BLACAT1: variants seen among roughly 807,000 people sequenced by gnomAD.
BLACAT1 encodes the protein bladder cancer associated transcript 1.
downstream of BLACAT1, chr1:205,435,419 A>G (rs6593941): frequency 0.69 from 104,742 of 152,054 alleles, 37,458 homozygotes; most frequent in East Asian, 0.92. Flanking sequence ...AAATGTGGCC[A>G]TCTTGAGTAG....
At chr1:205,451,654 G>A (rs148070459) in intron 1 of BLACAT1, among the ~76,000 whole-genome samples, 1 of 152,256 alleles carries the variant, frequency 6.6e-6, no homozygotes, top group African/African-American at 2.4e-5. Flanking sequence ...TGGAGACACT[G>A]AGAGAAATTG....
chr1:205,448,082 A>G lies in BLACAT1; in HGVS notation c.-36-7020T>C, dbSNP rs1666433271. Among the ~76,000 whole-genome samples, 1 of 152,180 alleles carries G rather than the reference A, an allele frequency of 6.6e-6. No individual in the cohort carries two copies. Among genetic ancestry groups the G allele is most frequent in the African/African-American group, 2.4e-5 (1 of 41,458 alleles). On this transcript the variant is annotated intron_variant, in intron 1 of 1. Transcript: ENST00000629624. This position sits in a 1 kb window ranked among gnomAD's most constrained non-coding sequence, Gnocchi z 4.7. ...ACCCTGAAGGTCTCCTTCCTTCCTC[A>G]GAGGGAATCTCCCTCTGGAATCACC...
chr1:205,455,378 G>C (rs6675524), intron 1 of BLACAT1, among the ~76,000 whole-genome samples: 2 of 151,916 alleles, frequency 1.3e-5, no homozygotes, highest in Non-Finnish European at 2.9e-5. Context: ...TTGGTGGTTT[G>C]GCCCACGGAC....
rs1022820594 is a variant in BLACAT1 at position 205,450,491 on chromosome 1, C to T, written c.-37+5426G>A. On this transcript the variant is annotated intron_variant, in intron 1 of 1. Coordinates refer to ENST00000629624, the Ensembl canonical transcript of BLACAT1. This position sits in a 1 kb window ranked among gnomAD's most constrained non-coding sequence, Gnocchi z 4.4. ...CGCAGCCCTGGTTCCTCTCCTCACCCATACCCCTATTCTGCTCCCACCACT... is the reference window on the plus strand; with the variant it reads ...CGCAGCCCTGGTTCCTCTCCTCACCTATACCCCTATTCTGCTCCCACCACT... Among the ~76,000 whole-genome samples, 5 of 151,656 alleles carry T rather than the reference C, an allele frequency of 3.3e-5. No homozygotes were observed. Among genetic ancestry groups the T allele is most frequent in the Non-Finnish European group, 7.4e-5 (5 of 67,860 alleles).
Position 205,448,186 on chromosome 1 carries a change from C to T in BLACAT1, c.-36-7124G>A, listed in dbSNP as rs984621868. 4.6e-6 allele frequency: 2 copies of T among 436,042 alleles called. No homozygotes were observed. Among genetic ancestry groups the T allele is most frequent in the Non-Finnish European group, 9.4e-6 (2 of 213,354 alleles). 27.0% of individuals were successfully genotyped at this position (436,042 alleles called of 1,614,324 possible). A position where few individuals can be genotyped will look rare whatever the true frequency, so the allele number is the denominator to read the frequency against. On this transcript the variant is annotated intron_variant, in intron 1 of 1. Coordinates refer to ENST00000629624, the Ensembl canonical transcript of BLACAT1. This position sits in a 1 kb window ranked among gnomAD's most constrained non-coding sequence, Gnocchi z 4.7. ...GGGCCAAGGTCACACGGCTTAGCCCCGATCCCAGGTTACCAGATCCCGTGA... is the reference window on the plus strand; with the variant it reads ...GGGCCAAGGTCACACGGCTTAGCCCTGATCCCAGGTTACCAGATCCCGTGA...
chr1:205,453,920 A>C (rs144677815), intron 1 of BLACAT1, among the ~76,000 whole-genome samples: 3 of 152,322 alleles, frequency 2.0e-5, no homozygotes, highest in Non-Finnish European at 2.9e-5. Context: ...GAATATCGAA[A>C]TGTCTCAGTG....
downstream of BLACAT1, among the ~76,000 whole-genome samples, chr1:205,439,852 GAGGA>G (rs1242240086): frequency 6.6e-6 from 1 of 151,978 alleles, no homozygotes; most frequent in Non-Finnish European, 1.5e-5. Flanking sequence ...TGAAGGGAGA[GAGGA>G]AGGAAGGAAG....
chr1:205,443,830 T>G (rs1666337686), intron 1 of BLACAT1, among the ~76,000 whole-genome samples: 1 of 152,104 alleles, frequency 6.6e-6, no homozygotes, highest in South Asian at 2.1e-4. Flanking sequence ...TCCAACCCAT[T>G]TCCGTATCCC....
intron 1 of BLACAT1, among the ~76,000 whole-genome samples, chr1:205,444,222 G>C (rs554236682): frequency 5.4e-4 from 82 of 152,228 alleles, no homozygotes; most frequent in South Asian, 2.3e-3. Context: ...AGGATGGAGA[G>C]GCAGGGTGGA....
At chr1:205,449,432 G>T (rs1666457172) in intron 1 of BLACAT1, among the ~76,000 whole-genome samples, 1 of 152,010 alleles carries the variant, frequency 6.6e-6, no homozygotes. Context: ...CCCAGATCAG[G>T]CCCTGCCTCT....
downstream of BLACAT1, chr1:205,436,875 C>T (rs1218587253): frequency 6.6e-6 from 1 of 152,278 alleles, no homozygotes; most frequent in Non-Finnish European, 1.5e-5. Flanking sequence ...GTTCCAGCCA[C>T]ATCTGGGCAC....
intron 1 of BLACAT1, among the ~76,000 whole-genome samples, chr1:205,451,753 T>C (rs777046813): frequency 1.3e-5 from 2 of 152,166 alleles, no homozygotes; most frequent in Non-Finnish European, 2.9e-5. Context: ...GCAACTTTTT[T>C]TTTTTAGTGA....
At chr1:205,455,047 G>A (rs2102482942) in intron 1 of BLACAT1, among the ~76,000 whole-genome samples, 1 of 152,216 alleles carries the variant, frequency 6.6e-6, no homozygotes, top group Admixed American at 6.5e-5. Context: ...GCACTGGCAG[G>A]GCTGGCCAGC....
At position 205,450,208 on chromosome 1, in the gene BLACAT1, G is replaced by C. The variant is rs1666475502; in HGVS notation, c.-37+5709C>G. ...GGTCTCATTGAGCCTCTGGCTGTCTGGTCGGTGAAGCACAAACCTCTTGTA... is the reference window on the plus strand; with the variant it reads ...GGTCTCATTGAGCCTCTGGCTGTCTCGTCGGTGAAGCACAAACCTCTTGTA... On this transcript the variant is annotated intron_variant, in intron 1 of 1. Transcript: ENST00000629624. The surrounding 1 kb of genome is among the most constrained non-coding windows in gnomAD (Gnocchi z 4.4). Among the ~76,000 whole-genome samples, 1 of 152,010 alleles carries C rather than the reference G, an allele frequency of 6.6e-6. No individual in the cohort carries two copies. The highest frequency in any genetic ancestry group is 1.5e-5 in the Non-Finnish European group (1 of 67,994).
In BLACAT1 at chr1:205,448,462, C is replaced by A; in HGVS notation, c.-36-7400G>T. ...AGCTGGGGCACCCGAGAAGCCCTCA[C>A]TCCCCTTCTCAGCACCCCCGACCCC... is the stretch of plus-strand genomic sequence containing the variant. On this transcript the variant is annotated intron_variant, in intron 1 of 1. Transcript: ENST00000629624. This position sits in a 1 kb window ranked among gnomAD's most constrained non-coding sequence, Gnocchi z 4.7. 1 of 522,492 alleles carries A rather than the reference C, an allele frequency of 1.9e-6. No individual in the cohort carries two copies. The highest frequency in any genetic ancestry group is 1.4e-5 in the South Asian group (1 of 70,544). 32.4% of individuals were successfully genotyped at this position (522,492 alleles called of 1,614,324 possible).
rs1156609065 is a variant in BLACAT1 at position 205,441,508 on chromosome 1, C to T, written c.-36-446G>A. On this transcript the variant is annotated intron_variant, in intron 1 of 1. Coordinates refer to ENST00000629624, the Ensembl canonical transcript of BLACAT1. This position sits in a 1 kb window ranked among gnomAD's most constrained non-coding sequence, Gnocchi z 4.3. ...TCTGCAGGTTGCACACACGACAGGC[C>T]CTCCTCCATCCAAATGCGGACCCCT... is the stretch of plus-strand genomic sequence containing the variant. Among the ~76,000 whole-genome samples the T allele has an allele frequency of 2.6e-5, 4 of 152,156 alleles. No homozygotes were observed. Among genetic ancestry groups the T allele is most frequent in the Non-Finnish European group, 5.9e-5 (4 of 68,020 alleles).
intron 1 of BLACAT1, among the ~76,000 whole-genome samples, chr1:205,446,940 C>G (rs996742433): frequency 6.6e-6 from 1 of 152,222 alleles, no homozygotes; most frequent in East Asian, 1.9e-4. Flanking sequence ...CCCGCTCCCC[C>G]CGACCTCCTG....
intron 1 of BLACAT1, among the ~76,000 whole-genome samples, chr1:205,451,720 G>GA (rs1362289442): frequency 2.0e-5 from 3 of 151,810 alleles, no homozygotes; most frequent in Non-Finnish European, 4.4e-5. Flanking sequence ...CTCAATGGGA[G>GA]AAAAAAGGCG....
chr1:205,438,810 A>G (rs907089651), downstream of BLACAT1, among the ~76,000 whole-genome samples: 12 of 152,074 alleles, frequency 7.9e-5, no homozygotes, highest in African/African-American at 2.9e-4. Context: ...CTCTGGAGCC[A>G]AGGGAGTTCT....
Sources: gnomAD v4.1 joint callset for allele counts (sites outside exome capture counted in the v4.1 genomes callset) on GRCh38, gnomAD v4.1.1 for gene constraint, Gnocchi (gnomAD v3.1) non-coding constraint, MANE v1.5 for transcripts, NCBI Gene and HGNC (gene_info 2026-07-23, HGNC 2026-07-21) for gene names.